Variants in ZFY observed in about 807,000 individuals in gnomAD.
ZFY encodes the protein zinc finger Y-chromosomal protein.
For missense variants in ZFY, 113 were observed against 170.9 expected (o/e 0.66, Z 1.89); for synonymous variants, 47 against 55.8 (o/e 0.84, Z 0.71).
chrY:2,969,997 C>A (rs2051343107), intron 3 of ZFY, among the ~76,000 whole-genome samples: 1 of 33,258 alleles, frequency 3.0e-5, no homozygotes, highest in Admixed American at 2.7e-4. Context: ...ATTCATATTT[C>A]AGATGGTTTG....
chrY:2,945,731 G>A, intron 1 of ZFY, among the ~76,000 whole-genome samples: 1 of 33,021 alleles, frequency 3.0e-5, no homozygotes, highest in African/African-American at 1.2e-4. Context: ...CCACCTTAGC[G>A]TCCCAAAGTG....
chrY:2,968,684 G>A (rs1410484117), intron 3 of ZFY, among the ~76,000 whole-genome samples: 3 of 32,718 alleles, frequency 9.2e-5, no homozygotes, highest in Non-Finnish European at 2.2e-4. Flanking sequence ...TATTTTTATC[G>A]TATTTTTCTT....
chrY:2,960,115 G>T (rs2051304450), intron 2 of ZFY, among the ~76,000 whole-genome samples: 1 of 32,763 alleles, frequency 3.1e-5, no homozygotes. Flanking sequence ...ATGATGTGCT[G>T]TGCAAGTTGT....
At chrY:2,974,964 A>C in intron 3 of ZFY, 131 bp from the exon 4 acceptor site, 1 of 204,435 alleles carries the variant, frequency 4.9e-6, no homozygotes, top group Non-Finnish European at 7.9e-6. Context: ...TCAAAAAATA[A>C]AACAGAATAC....
chrY:2,961,662 C>T lies in ZFY; in HGVS notation c.634+16C>T. The T allele has an allele frequency of 5.2e-6, 2 of 386,546 alleles. No homozygotes were observed. The highest frequency in any genetic ancestry group is 3.0e-5 in the South Asian group (1 of 33,437). On this transcript the variant is annotated intron_variant, in intron 3 of 7. Transcript: ENST00000155093. ...ATGATTTCGTGTAAGTCATGGGGTA[C>T]AGTGATTTTAAGCAATGTTTTTGAA...
At position 2,975,668 on chromosome Y, in the gene ZFY, T is replaced by A. The variant is rs758878473; in HGVS notation, c.928+14T>A. The A allele has an allele frequency of 2.3e-5, 9 of 383,445 alleles. No homozygotes were observed. Among genetic ancestry groups the A allele is most frequent in the African/African-American group, 6.6e-5 (1 of 15,092 alleles). ...ATGAAGATTTAAGTATGTGGCTTTT[T>A]AAAAAAAAATTTTTACTTTAAGTTC... On this transcript the variant is annotated intron_variant, in intron 5 of 7. Transcript: ENST00000155093.
Position 2,981,833 on chromosome Y carries a change from C to T in ZFY, c.*1840C>T, listed in dbSNP as rs747913968. On this transcript the variant is annotated 3_prime_UTR_variant, in exon 8 of 8. Transcript: ENST00000155093. ...GGCCTTCTTAGCCTTTATACATGTC[C>T]CTACCTGATTTTTACTGTCCTTCAT... The T allele has an allele frequency of 1.0e-3, 34 of 32,989 alleles. No individual in the cohort carries two copies. The East Asian group carries it at 0.014, about 13-fold the overall frequency. 8.2% of individuals were successfully genotyped at this position (32,989 alleles called of 400,897 possible).
At chrY:2,950,636 A>G (rs1467994281) in intron 1 of ZFY, among the ~76,000 whole-genome samples, 1 of 33,880 alleles carries the variant, frequency 3.0e-5, no homozygotes, top group Admixed American at 2.6e-4. Context: ...TGCCTCTGTC[A>G]GTTTTCGCCG....
At chrY:2,942,127 G>T in intron 1 of ZFY, among the ~76,000 whole-genome samples, 1 of 30,406 alleles carries the variant, frequency 3.3e-5, no homozygotes, top group Non-Finnish European at 7.9e-5. Context: ...CCTAACTTTT[G>T]TATTTTTTGT....
chrY:2,981,660 T>C lies in ZFY; in HGVS notation c.*1667T>C, dbSNP rs2051399547. On this transcript the variant is annotated 3_prime_UTR_variant, in exon 8 of 8. Transcript: ENST00000155093. Reference sequence around the variant, plus strand: ...TTCTGTGCCACCAATTCAAAAGTTATAGGATTAGGAAATATAAATTTATAT... The same window carrying C: ...TTCTGTGCCACCAATTCAAAAGTTACAGGATTAGGAAATATAAATTTATAT... The C allele has an allele frequency of 3.0e-5, 1 of 33,103 alleles. No individual in the cohort carries two copies. The highest frequency in any genetic ancestry group is 1.2e-4 in the African/African-American group (1 of 8,547). The allele number at this position is 33,103 out of a possible 400,897, so 8.3% of individuals were successfully genotyped here. A position where few individuals can be genotyped will look rare whatever the true frequency, so the allele number is the denominator to read the frequency against.
chrY:2,956,191 T>C (rs779601551), intron 2 of ZFY, among the ~76,000 whole-genome samples: 1 of 32,821 alleles, frequency 3.0e-5, no homozygotes, highest in Admixed American at 2.8e-4. Context: ...TACTGTTTTT[T>C]TCTCTCTCTC....
intron 3 of ZFY, among the ~76,000 whole-genome samples, chrY:2,971,264 G>C: frequency 5.9e-5 from 2 of 33,644 alleles, no homozygotes; most frequent in African/African-American, 2.3e-4. Context: ...ATCCCCAAGA[G>C]TAGGATACCT....
Position 2,975,112 on chromosome Y carries a change from A to G in ZFY, c.652A>G (p.Ile218Val). Residue 218 changes from isoleucine to valine, a missense_variant, in exon 4 of 8, where the codon ATA becomes GTA. Ile to Val is a conservative substitution (Grantham distance 29). Coordinates refer to ENST00000155093, the MANE Select transcript of ZFY (RefSeq NM_003411.4). Reference sequence around the variant, plus strand: ...CTTTTCAGTGGATGATGCTGGCAAAATAGAACATGATGGTTCCACTGGAGT... The same window carrying G: ...CTTTTCAGTGGATGATGCTGGCAAAGTAGAACATGATGGTTCCACTGGAGT... ...LMISLDDAGK[I>V]EHDGSTGVTI... 2.5e-6 allele frequency: 1 copy of G among 398,657 alleles called. No homozygotes were observed. Among genetic ancestry groups the G allele is most frequent in the Non-Finnish European group, 3.5e-6 (1 of 283,362 alleles).
rs775252294 is a variant in ZFY, at chrY:2,976,725, TGCTGCTGTTGCAGCAGCAGCA to T, written c.993_1013del (p.Ala332_Val338del). On this transcript the variant is annotated inframe_deletion, in exon 6 of 8. Coordinates refer to ENST00000155093, the MANE Select transcript of ZFY (RefSeq NM_003411.4). ...TGGAAGTGATCGTAGGAGAGGAGGA[TGCTGCTGTTGCAGCAGCAGCA>T]GCTGCTGTGCATGAGCAGCAAATTG... 7.6e-6 allele frequency: 3 copies of T among 393,400 alleles called. No individual in the cohort carries two copies. Among genetic ancestry groups the T allele is most frequent in the East Asian group, 1.9e-4 (2 of 10,701 alleles).
In ZFY at chrY:2,975,262, G is replaced by A; in HGVS notation, c.784+18G>A. On this transcript the variant is annotated intron_variant, in intron 4 of 7. Transcript: ENST00000155093. ...TGACTTAGGTAAGAGGAAGCTGTCA[G>A]CATTTTATACATTGTCATCCAAATG... 3 of 390,559 alleles carry A rather than the reference G, an allele frequency of 7.7e-6. No homozygotes were observed. Among genetic ancestry groups the A allele is most frequent in the Non-Finnish European group, 1.1e-5 (3 of 279,817 alleles).
Position 2,980,719 on chromosome Y carries a change from C to G in ZFY, c.*726C>G. On this transcript the variant is annotated 3_prime_UTR_variant, in exon 8 of 8. Transcript: ENST00000155093. Reference sequence around the variant, plus strand: ...TCCAACACATGAGACTTACTGCTCACTGAATTTTGGAGTCTTTTAGAGGTA... The same window carrying G: ...TCCAACACATGAGACTTACTGCTCAGTGAATTTTGGAGTCTTTTAGAGGTA... 3.0e-5 allele frequency: 1 copy of G among 33,712 alleles called. No individual in the cohort carries two copies. The highest frequency in any genetic ancestry group is 7.4e-5 in the Non-Finnish European group (1 of 13,520). The allele number at this position is 33,712 out of a possible 400,897, so 8.4% of individuals were successfully genotyped here. A position where few individuals can be genotyped will look rare whatever the true frequency, so the allele number is the denominator to read the frequency against.
At chrY:2,959,648 C>T in intron 2 of ZFY, among the ~76,000 whole-genome samples, 1 of 33,583 alleles carries the variant, frequency 3.0e-5, no homozygotes, top group African/African-American at 1.2e-4. Flanking sequence ...ATTCTTTCAA[C>T]ATATAAGTTA....
At chrY:2,945,564 G>C (rs2051260181) in intron 1 of ZFY, among the ~76,000 whole-genome samples, 1 of 31,614 alleles carries the variant, frequency 3.2e-5, no homozygotes, top group Non-Finnish European at 7.6e-5. Context: ...TGTGCCTCCA[G>C]GTCCAAGCAA....
intron 1 of ZFY, among the ~76,000 whole-genome samples, chrY:2,939,484 G>C (rs775001056): frequency 3.0e-5 from 1 of 33,536 alleles, no homozygotes; most frequent in South Asian, 6.6e-4. Context: ...AAAGTGTACT[G>C]CATTTCAGAA....
Sources: allele counts gnomAD v4.1 joint callset (sites outside exome capture counted in the v4.1 genomes callset), GRCh38; gene constraint gnomAD v4.1.1; transcripts MANE v1.5; gene names NCBI Gene and HGNC (gene_info 2026-07-23, HGNC 2026-07-21).